FDX1: variants seen among roughly 807,000 people sequenced by gnomAD.
FDX1 encodes the protein ferredoxin 1.
FDX1 carries 9 observed loss-of-function variants against 14.9 expected under a neutral mutation model. That is an observed-to-expected ratio of 0.60 (90% CI 0.36 to 1.05). The LOEUF is 1.05. FDX1 is among the 50% of genes least tolerant of loss of function. FDX1 has a pLI of 0.01. For missense variants in FDX1, 204 were observed against 237.2 expected, an observed-to-expected ratio of 0.86 and a Z score of 0.92; for synonymous variants, 92 against 99.4, an observed-to-expected ratio of 0.93 and a Z score of 0.44.
intron 3 of FDX1, among the ~76,000 whole-genome samples, chr11:110,458,008 G>A (rs373869813): frequency 8.5e-5 from 13 of 152,252 alleles, no homozygotes; most frequent in Middle Eastern, 3.4e-3. Flanking sequence ...CTGTCTGCCT[G>A]TCCTCTCACA....
Position 110,464,363 on chromosome 11 carries a change from A to T in FDX1, c.*1895A>T, listed in dbSNP as rs1489722101. 2.0e-5 allele frequency: 3 copies of T among 152,328 alleles called. No individual in the cohort carries two copies. The highest frequency in any genetic ancestry group is 6.5e-5 in the Admixed American group (1 of 15,284). 9.4% of individuals were successfully genotyped at this position (152,328 alleles called of 1,614,324 possible). On this transcript the variant is annotated 3_prime_UTR_variant, in exon 4 of 4. Transcript: ENST00000260270. ...GGAGGTCCAAGAGCATGGTACCAGCATCTGCTTGGCATCTGGTGACAGCTT... is the reference window on the plus strand; with the variant it reads ...GGAGGTCCAAGAGCATGGTACCAGCTTCTGCTTGGCATCTGGTGACAGCTT...
intron 2 of FDX1, among the ~76,000 whole-genome samples, chr11:110,436,852 A>T (rs1946373338): frequency 6.6e-6 from 1 of 152,062 alleles, no homozygotes; most frequent in South Asian, 2.1e-4. Flanking sequence ...GTTAATGCTT[A>T]TAACAGTTTT....
intron 2 of FDX1, among the ~76,000 whole-genome samples, chr11:110,443,112 T>C (rs1359614089): frequency 6.6e-6 from 1 of 152,168 alleles, no homozygotes; most frequent in Non-Finnish European, 1.5e-5. Context: ...CTTTTTCCTG[T>C]ATAAATTACC....
intron 3 of FDX1, among the ~76,000 whole-genome samples, chr11:110,461,007 A>C (rs1024712068): frequency 1.3e-5 from 2 of 152,156 alleles, no homozygotes; most frequent in African/African-American, 4.8e-5. Flanking sequence ...TAAAACCAAG[A>C]CCTGAATATC....
upstream of FDX1, chr11:110,429,825 C>A (rs1946315910): frequency 3.7e-6 from 1 of 268,926 alleles, no homozygotes; most frequent in East Asian, 6.6e-5. Flanking sequence ...TACAACGGAA[C>A]CTGGAGGGTT....
rs560753432 is a variant in FDX1, at chr11:110,457,741, A to C, written c.440+694A>C. 2.5e-5 allele frequency among the ~76,000 whole-genome samples: 3 copies of C among 120,894 alleles called. No individual in the cohort carries two copies. The East Asian group carries it at 8.4e-4, about 34-fold the overall frequency. 79.3% of individuals were successfully genotyped at this position (120,894 alleles called of 152,430 possible). ...ACCTTAATGACAAATAATTTTTTAAAAATTAAAGATAGTAATAATAGTTTT... is the reference window on the plus strand; with the variant it reads ...ACCTTAATGACAAATAATTTTTTAACAATTAAAGATAGTAATAATAGTTTT... On this transcript the variant is annotated intron_variant, in intron 3 of 3. Coordinates refer to ENST00000260270, the MANE Select transcript of FDX1 (RefSeq NM_004109.5).
intron 2 of FDX1, among the ~76,000 whole-genome samples, chr11:110,444,688 G>GTA (rs199640851): frequency 0.02 from 500 of 24,850 alleles, 31 homozygotes; most frequent in African/African-American, 0.032. Flanking sequence ...ATATATACAC[G>GTA]TATATATATA....
chr11:110,447,036 G>A (rs1316395916), intron 2 of FDX1, among the ~76,000 whole-genome samples: 4 of 151,866 alleles, frequency 2.6e-5, no homozygotes, highest in African/African-American at 9.7e-5. Context: ...TTAGCCAGGT[G>A]TGGTGGCGTG....
At chr11:110,433,254 G>T (rs1028047284) in intron 1 of FDX1, among the ~76,000 whole-genome samples, 6 of 152,132 alleles carry the variant, frequency 3.9e-5, no homozygotes, top group Non-Finnish European at 7.4e-5. Flanking sequence ...TTCTCTGCTG[G>T]GCTCAGACCC....
chr11:110,435,768 A>C, intron 1 of FDX1, 66 bp from the exon 2 acceptor site: 2 of 1,344,258 alleles, frequency 1.5e-6, no homozygotes, highest in Non-Finnish European at 2.0e-6. Context: ...ATAGGCTTTT[A>C]AACCAATTAT....
intron 2 of FDX1, among the ~76,000 whole-genome samples, chr11:110,455,430 T>G (rs1946515695): frequency 6.6e-6 from 1 of 152,216 alleles, no homozygotes; most frequent in Admixed American, 6.5e-5. Flanking sequence ...TGGTTGTGTA[T>G]ATTTCATATA....
chr11:110,442,378 G>A (rs1946410520), intron 2 of FDX1, among the ~76,000 whole-genome samples: 1 of 152,234 alleles, frequency 6.6e-6, no homozygotes, highest in African/African-American at 2.4e-5. Flanking sequence ...GCCCATGAAA[G>A]CAGCCAGGAG....
rs893182593 is a variant in FDX1 at position 110,463,958 on chromosome 11, G to A, written c.*1490G>A. ...GACAGGGTCTTACTCTGTCACTCAGGCCAGAGTACAATAGTATGATCTCGG... is the reference window on the plus strand; with the variant it reads ...GACAGGGTCTTACTCTGTCACTCAGACCAGAGTACAATAGTATGATCTCGG... On this transcript the variant is annotated 3_prime_UTR_variant, in exon 4 of 4. Transcript: ENST00000260270. 1 of 150,350 alleles carries A rather than the reference G, an allele frequency of 6.7e-6. No homozygotes were observed. The highest frequency in any genetic ancestry group is 1.5e-5 in the Non-Finnish European group (1 of 67,804). The allele number at this position is 150,350 out of a possible 1,614,324, so 9.3% of individuals were successfully genotyped here.
intron 1 of FDX1, among the ~76,000 whole-genome samples, chr11:110,431,033 GA>G (rs1380220165): frequency 1.3e-5 from 2 of 152,026 alleles, no homozygotes; most frequent in Non-Finnish European, 1.5e-5. Flanking sequence ...AAGAATCAAT[GA>G]GTTAATACAG....
At chr11:110,449,586 T>G (rs909647072) in intron 2 of FDX1, among the ~76,000 whole-genome samples, 21 of 152,198 alleles carry the variant, frequency 1.4e-4, no homozygotes, top group Admixed American at 5.9e-4. Context: ...ACATTATTAT[T>G]AACTGCAGTC....
chr11:110,430,552 C>T (rs1946324013), intron 1 of FDX1, among the ~76,000 whole-genome samples: 1 of 152,210 alleles, frequency 6.6e-6, no homozygotes, highest in African/African-American at 2.4e-5. Context: ...CGGCGGGAAT[C>T]GGGGACCCTG....
upstream of FDX1, chr11:110,429,891 G>A (rs1026367629): frequency 1.5e-5 from 5 of 329,768 alleles, no homozygotes; most frequent in African/African-American, 8.6e-5. Flanking sequence ...GTGGGCGTGA[G>A]AGGCGGGGCG....
chr11:110,444,687 C>CGT (rs1491133035), intron 2 of FDX1, among the ~76,000 whole-genome samples: 5 of 29,528 alleles, frequency 1.7e-4, no homozygotes, highest in African/African-American at 8.4e-4. Flanking sequence ...TATATATACA[C>CGT]GTATATATAT....
At position 110,439,400 on chromosome 11, in the gene FDX1, G is replaced by T. The variant is rs962837959; in HGVS notation, c.310+3442G>T. ...TTTTTTTGTATTTTTAGTAGAGATG[G>T]GGTTTCCCATGTTGGCCAGGCTAGT... On this transcript the variant is annotated intron_variant, in intron 2 of 3. Transcript: ENST00000260270. Among the ~76,000 whole-genome samples the T allele has an allele frequency of 2.0e-5, 3 of 151,974 alleles. No individual in the cohort carries two copies. The South Asian group carries it at 6.2e-4, about 32-fold the overall frequency.
Sources: gnomAD v4.1 joint callset for allele counts (sites outside exome capture counted in the v4.1 genomes callset) on GRCh38, gnomAD v4.1.1 for gene constraint, MANE v1.5 for transcripts, NCBI Gene and HGNC (gene_info 2026-07-23, HGNC 2026-07-21) for gene names.